Variants in RBFOX1 observed in about 807,000 individuals in gnomAD.
RBFOX1 encodes the protein RNA binding protein fox-1 homolog 1.
A neutral mutation model predicts 57.7 loss-of-function variants in RBFOX1; 8 were observed. That is an observed-to-expected ratio of 0.14 (90% CI 0.08 to 0.25). RBFOX1 has a LOEUF of 0.25. RBFOX1 is among the 10% of genes least tolerant of loss of function. The pLI, the probability that RBFOX1 is intolerant of heterozygous loss-of-function variation, is 1.00. For synonymous variants in RBFOX1, 326 were observed against 222.4 expected, an observed-to-expected ratio of 1.47 and a Z score of -4.15; for missense variants, 611 against 548.5, an observed-to-expected ratio of 1.11 and a Z score of -1.14.
At chr16:7,446,235 C>A (rs2098806656) in intron 4 of RBFOX1, among the ~76,000 whole-genome samples, 1 of 152,102 alleles carries the variant, frequency 6.6e-6, no homozygotes, top group Non-Finnish European at 1.5e-5. Flanking sequence ...CTCCCCAGAC[C>A]CATGCGAATT....
At chr16:7,587,326 T>G in intron 7 of RBFOX1, 26 bp downstream of exon 7, 1 of 1,508,016 alleles carries the variant, frequency 6.6e-7, no homozygotes, top group Non-Finnish European at 8.9e-7. Context: ...CACTTTAGAA[T>G]TGTTTAGTTT....
In RBFOX1 at chr16:6,635,931, A is replaced by G. The variant is rs889138838; in HGVS notation, c.-63-18672A>G. On this transcript the variant is annotated intron_variant, in intron 2 of 15. Coordinates refer to ENST00000550418, the MANE Select transcript of RBFOX1 (RefSeq NM_018723.4). ...ATTTTGGAATATTGACACATACATAATGAGGTATCTTGGGGATGGGACCCA... is the reference window on the plus strand; with the variant it reads ...ATTTTGGAATATTGACACATACATAGTGAGGTATCTTGGGGATGGGACCCA... 8.5e-5 allele frequency among the ~76,000 whole-genome samples: 13 copies of G among 152,270 alleles called. No homozygotes were observed. The South Asian group carries it at 2.1e-3, about 24-fold the overall frequency.
chr16:5,273,263 G>T (rs1596359191), intron 1 of RBFOX1, among the ~76,000 whole-genome samples: 2 of 147,440 alleles, frequency 1.4e-5, no homozygotes, highest in African/African-American at 5.0e-5. Context: ...CCATCCTTTT[G>T]CTTGGCAGGT....
At chr16:7,655,185 G>A (rs1373342168) in intron 12 of RBFOX1, among the ~76,000 whole-genome samples, 2 of 152,106 alleles carry the variant, frequency 1.3e-5, no homozygotes, top group African/African-American at 4.8e-5. Flanking sequence ...CTAAACCAGA[G>A]CATTTGAAAT....
intron 1 of RBFOX1, among the ~76,000 whole-genome samples, chr16:5,461,300 T>C (rs2068779810): frequency 6.6e-6 from 1 of 152,196 alleles, no homozygotes; most frequent in Non-Finnish European, 1.5e-5. Flanking sequence ...AGAGGCTCGA[T>C]GATCTGCCCC....
At chr16:7,696,970 A>T (rs2079757) in intron 14 of RBFOX1, among the ~76,000 whole-genome samples, 147,214 of 152,180 alleles carry the variant, frequency 0.97, 71,285 homozygotes, top group Middle Eastern at 0.99. Context: ...AGGTGAGTTT[A>T]ATAGATAACA....
At chr16:6,822,416 C>G (rs2091461634) in intron 3 of RBFOX1, among the ~76,000 whole-genome samples, 1 of 152,148 alleles carries the variant, frequency 6.6e-6, no homozygotes, top group Non-Finnish European at 1.5e-5. Context: ...TTTTAAAAGC[C>G]ACTGCAAACT....
chr16:5,803,411 C>A (rs1207417452), intron 3 of RBFOX1, among the ~76,000 whole-genome samples: 1 of 152,168 alleles, frequency 6.6e-6, no homozygotes, highest in Admixed American at 6.5e-5. Context: ...GATCCCAGTT[C>A]CCACACTGAC....
At chr16:6,701,471 A>C (rs1301661426) in intron 3 of RBFOX1, among the ~76,000 whole-genome samples, 1 of 152,208 alleles carries the variant, frequency 6.6e-6, no homozygotes, top group Admixed American at 6.5e-5. Flanking sequence ...AGAAAGGTTT[A>C]TTTGACTCTT....
chr16:6,518,689 C>G (rs1480781552), intron 2 of RBFOX1, among the ~76,000 whole-genome samples: 1 of 152,082 alleles, frequency 6.6e-6, no homozygotes, highest in Non-Finnish European at 1.5e-5. Context: ...TGAATTTTAT[C>G]TATGTATGTA....
chr16:6,259,973 AAAG>A (rs1294245116), intron 1 of RBFOX1, among the ~76,000 whole-genome samples: 1 of 151,974 alleles, frequency 6.6e-6, no homozygotes, highest in East Asian at 1.9e-4. Flanking sequence ...AAAAAAAAAA[AAAG>A]CTGATGAAAA....
At chr16:7,143,480 A>G (rs1427644757) in intron 4 of RBFOX1, among the ~76,000 whole-genome samples, 1 of 152,136 alleles carries the variant, frequency 6.6e-6, no homozygotes, top group Admixed American at 6.6e-5. Context: ...TCAAGCAGAA[A>G]ATTAGCCATA....
At chr16:6,637,241 TTA>T (rs1298040162) in intron 2 of RBFOX1, among the ~76,000 whole-genome samples, 1 of 59,702 alleles carries the variant, frequency 1.7e-5, no homozygotes, top group African/African-American at 7.8e-5. Context: ...ATATTATATA[TTA>T]TATATATTAT....
chr16:6,018,687 T>G (rs1567266259), upstream of RBFOX1, among the ~76,000 whole-genome samples: 1 of 152,106 alleles, frequency 6.6e-6, no homozygotes, highest in Non-Finnish European at 1.5e-5. Flanking sequence ...GCCAGAAAAC[T>G]TCCTCAGAGA....
intron 4 of RBFOX1, among the ~76,000 whole-genome samples, chr16:7,229,816 AAGGAAGGGAGAGAGAGGG>A (rs1235591763): frequency 1.3e-4 from 1 of 7,994 alleles, no homozygotes; most frequent in Non-Finnish European, 2.2e-4. Context: ...GAGAGAGAGG[AAGGAAGGGAGAGAGAGGG>A]AGGAAGGGAG....
intron 4 of RBFOX1, among the ~76,000 whole-genome samples, chr16:7,367,720 C>G (rs886657113): frequency 6.6e-6 from 1 of 152,178 alleles, no homozygotes; most frequent in African/African-American, 2.4e-5. Flanking sequence ...GCAGCTTCTC[C>G]TTAGCTGCAG....
At chr16:7,039,089 A>G (rs1210445892) in intron 3 of RBFOX1, among the ~76,000 whole-genome samples, 1 of 152,180 alleles carries the variant, frequency 6.6e-6, no homozygotes, top group Non-Finnish European at 1.5e-5. Context: ...CCTGGGAGAT[A>G]GCACCCCATA....
At chr16:7,496,423 G>T (rs765398104) in intron 4 of RBFOX1, among the ~76,000 whole-genome samples, 36 of 152,194 alleles carry the variant, frequency 2.4e-4, no homozygotes, top group Non-Finnish European at 5.0e-4. Context: ...GATTAGAGGG[G>T]TGAGCCACTG....
At chr16:5,718,381 T>C (rs1196423339) in intron 3 of RBFOX1, among the ~76,000 whole-genome samples, 9 of 152,130 alleles carry the variant, frequency 5.9e-5, no homozygotes, top group Admixed American at 4.6e-4. Flanking sequence ...CAGACACATA[T>C]GTGAGAATAA....
Sources: gnomAD v4.1 joint callset for allele counts (sites outside exome capture counted in the v4.1 genomes callset) on GRCh38, gnomAD v4.1.1 for gene constraint, MANE v1.5 for transcripts, NCBI Gene and HGNC (gene_info 2026-07-23, HGNC 2026-07-21) for gene names.